C8orf34: variants seen among roughly 807,000 people sequenced by gnomAD.
C8orf34 encodes the protein chromosome 8 open reading frame 34, also known as uncharacterized protein C8orf34.
In C8orf34, 65 loss-of-function variants were observed where a neutral mutation model predicts 68.3. The observed-to-expected ratio is 0.95, with a 90% CI of 0.78 to 1.17. The LOEUF (loss-of-function observed/expected upper bound fraction) is 1.17, where lower values mean the gene tolerates loss of function less well. Among genes scored for constraint, C8orf34 ranks in the 50% most tolerant of loss-of-function variants. The pLI is 0.00. For missense variants in C8orf34, 664 were observed against 655.4 expected (o/e 1.01, Z -0.14); for synonymous variants, 244 against 241.2 (o/e 1.01, Z -0.11).
intron 7 of C8orf34, among the ~76,000 whole-genome samples, chr8:68,610,354 T>G (rs774191599): frequency 6.6e-6 from 1 of 152,178 alleles, no homozygotes; most frequent in Non-Finnish European, 1.5e-5. Flanking sequence ...GTGTTGACAC[T>G]TCTATATAAA....
At chr8:68,371,491 A>G (rs1488647255) in intron 1 of C8orf34, among the ~76,000 whole-genome samples, 2 of 152,204 alleles carry the variant, frequency 1.3e-5, no homozygotes, top group African/African-American at 2.4e-5. Context: ...TATGACAACT[A>G]TAAGAAACAA....
chr8:68,521,686 T>C (rs991583638), intron 5 of C8orf34, 113 bp from the exon 6 acceptor site: 4 of 904,116 alleles, frequency 4.4e-6, no homozygotes, highest in Non-Finnish European at 6.5e-6. Context: ...TTTGTATCAA[T>C]TCAGAAAGAC....
intron 7 of C8orf34, among the ~76,000 whole-genome samples, chr8:68,634,761 G>A (rs1299073740): frequency 2.0e-5 from 3 of 152,104 alleles, no homozygotes; most frequent in African/African-American, 4.8e-5. Context: ...GTTATTAGGA[G>A]CTCATTGATC....
At chr8:68,733,814 A>G (rs1195672142) in intron 10 of C8orf34, among the ~76,000 whole-genome samples, 1 of 152,214 alleles carries the variant, frequency 6.6e-6, no homozygotes, top group Non-Finnish European at 1.5e-5. Flanking sequence ...TGTTCAGAAT[A>G]TTGGGACATC....
chr8:68,704,342 G>C (rs1326985732), intron 8 of C8orf34, among the ~76,000 whole-genome samples: 3 of 152,048 alleles, frequency 2.0e-5, no homozygotes, highest in Non-Finnish European at 1.5e-5. Flanking sequence ...GGGAGGGGTA[G>C]ATATATTCTG....
chr8:68,678,859 G>GAA (rs35973682), intron 8 of C8orf34, among the ~76,000 whole-genome samples: 301 of 116,894 alleles, frequency 2.6e-3, no homozygotes, highest in African/African-American at 6.2e-3. Flanking sequence ...GACCACAACT[G>GAA]AAAAAAAAAA....
intron 7 of C8orf34, among the ~76,000 whole-genome samples, chr8:68,621,115 CAGA>C (rs755178512): frequency 6.6e-6 from 1 of 152,068 alleles, no homozygotes; most frequent in African/African-American, 2.4e-5. Context: ...AGATGTACCC[CAGA>C]AGAAGTACAA....
At chr8:68,590,920 T>TG (rs1234895215) in intron 7 of C8orf34, among the ~76,000 whole-genome samples, 2 of 152,092 alleles carry the variant, frequency 1.3e-5, no homozygotes, top group Non-Finnish European at 2.9e-5. Context: ...TGCTATATCG[T>TG]GGGGGAGCTC....
chr8:68,349,061 G>A (rs940039561), intron 1 of C8orf34, among the ~76,000 whole-genome samples: 1 of 151,974 alleles, frequency 6.6e-6, no homozygotes, highest in African/African-American at 2.4e-5. Context: ...AAAGGTGGAT[G>A]CTTCCAGATT....
At chr8:68,691,256 T>G (rs1489559217) in intron 8 of C8orf34, among the ~76,000 whole-genome samples, 2 of 152,068 alleles carry the variant, frequency 1.3e-5, no homozygotes, top group African/African-American at 4.8e-5. Context: ...GTGCCATTTT[T>G]CCAACAGCAT....
chr8:68,703,445 TC>T (rs959470827), intron 8 of C8orf34, among the ~76,000 whole-genome samples: 4 of 152,088 alleles, frequency 2.6e-5, no homozygotes, highest in African/African-American at 4.8e-5. Context: ...CCTCACCTCT[TC>T]TTGACAACTA....
chr8:68,536,358 CAAAAAAAAAAAAAAA>C (rs10696903), intron 7 of C8orf34, among the ~76,000 whole-genome samples: 2 of 49,226 alleles, frequency 4.1e-5, no homozygotes, highest in Admixed American at 6.0e-4. Flanking sequence ...GACCCTATCT[CAAAAAAAAAAAAAAA>C]AAAAAAAAAA....
chr8:68,408,803 T>A (rs1413638805), intron 1 of C8orf34, among the ~76,000 whole-genome samples: 1 of 152,144 alleles, frequency 6.6e-6, no homozygotes, highest in Non-Finnish European at 1.5e-5. Flanking sequence ...TTGTTTTGTT[T>A]TTTGAGACGG....
chr8:68,458,358 T>C lies in C8orf34; in HGVS notation c.608-10334T>C, dbSNP rs375773057. On this transcript the variant is annotated intron_variant, in intron 3 of 13. Coordinates refer to ENST00000518698, the MANE Select transcript of C8orf34 (RefSeq NM_052958.4). The stretch of plus-strand genomic sequence containing the variant: ...CACCTGACGTGCCCATGTGGTGCAT[T>C]CAGTGGGTAGGTCTGCAGATGCTGG... Among the ~76,000 whole-genome samples, 326 of 152,242 alleles carry C rather than the reference T, an allele frequency of 2.1e-3. 1 individual carries two copies. Among genetic ancestry groups the C allele is most frequent in the African/African-American group, 7.1e-3 (293 of 41,544 alleles).
intron 7 of C8orf34, among the ~76,000 whole-genome samples, chr8:68,554,129 G>A (rs1178597058): frequency 2.0e-5 from 3 of 151,894 alleles, no homozygotes; most frequent in Non-Finnish European, 2.9e-5. Flanking sequence ...ACCTTTTAAA[G>A]GTTTTATAGT....
intron 5 of C8orf34, among the ~76,000 whole-genome samples, chr8:68,508,025 G>A (rs1195258951): frequency 6.6e-6 from 1 of 152,002 alleles, no homozygotes; most frequent in Non-Finnish European, 1.5e-5. Flanking sequence ...TATCTTTCTG[G>A]CAAGGCCGTG....
At chr8:68,419,629 C>T (rs1435451501) in intron 1 of C8orf34, among the ~76,000 whole-genome samples, 1 of 151,446 alleles carries the variant, frequency 6.6e-6, no homozygotes, top group African/African-American at 2.4e-5. Flanking sequence ...ACATATACAC[C>T]ATGGAATACT....
chr8:68,530,106 A>G (rs1815180915), intron 6 of C8orf34, among the ~76,000 whole-genome samples: 1 of 152,090 alleles, frequency 6.6e-6, no homozygotes, highest in Non-Finnish European at 1.5e-5. Context: ...TAAATTTACA[A>G]TATAAAATTT....
chr8:68,579,721 G>C (rs573457627), intron 7 of C8orf34, among the ~76,000 whole-genome samples: 32 of 152,294 alleles, frequency 2.1e-4, no homozygotes, highest in African/African-American at 6.5e-4. Flanking sequence ...ATGCCTAGCT[G>C]CAAGTGCCTT....
Sources: gnomAD v4.1 joint callset for allele counts (sites outside exome capture counted in the v4.1 genomes callset) on GRCh38, gnomAD v4.1.1 for gene constraint, MANE v1.5 for transcripts, NCBI Gene and HGNC (gene_info 2026-07-23, HGNC 2026-07-21) for gene names.